VPS4B: variants seen among roughly 807,000 people sequenced by gnomAD.
VPS4B encodes vacuolar protein sorting-associated protein 4B.
A neutral mutation model predicts 56.1 loss-of-function variants in VPS4B; 23 were observed. The ratio of observed to expected loss-of-function variants is 0.41; its 90% CI spans 0.30 to 0.58. The LOEUF (loss-of-function observed/expected upper bound fraction) is 0.58. VPS4B is among the 20% of genes least tolerant of loss of function. The pLI, the probability that VPS4B is intolerant of heterozygous loss-of-function variation, is 0.29. For missense variants in VPS4B, 372 were observed against 531.9 expected (o/e 0.70, Z 2.96); for synonymous variants, 177 against 186.0 (o/e 0.95, Z 0.39).
rs150343320 is a variant in VPS4B, at chr18:63,397,336, G to A, written c.873-83C>T. The A allele has an allele frequency of 1.2e-4, 144 of 1,217,018 alleles. No homozygotes were observed. In the East Asian group the frequency reaches 3.6e-3, roughly 30 times the overall value. The allele number at this position is 1,217,018 out of a possible 1,614,324, so 75.4% of individuals were successfully genotyped here. A position where few individuals can be genotyped will look rare whatever the true frequency, so the allele number is the denominator to read the frequency against. On this transcript the variant is annotated intron_variant, in intron 8 of 10. Transcript: ENST00000238497. ...AAGAAACAGATACTAAGTTAAGTGG[G>A]CCTGTATGTGCCAAGGTTAAACATA...
chr18:63,422,403 C>T lies in VPS4B; in HGVS notation c.-144G>A, dbSNP rs1453805935. On this transcript the variant is annotated 5_prime_UTR_variant, in exon 1 of 11. Transcript: ENST00000238497. The stretch of plus-strand genomic sequence containing the variant: ...GCGAAGGGCAGCCTCCCTTCCGGAA[C>T]TTGTTTTAGACAACACTCTCTCCAC... 2 of 700,150 alleles carry T rather than the reference C, an allele frequency of 2.9e-6. No homozygotes were observed. The highest frequency in any genetic ancestry group is 3.3e-5 in the South Asian group (1 of 30,716). 43.4% of individuals were successfully genotyped at this position (700,150 alleles called of 1,614,324 possible).
intron 5 of VPS4B, among the ~76,000 whole-genome samples, chr18:63,401,697 A>G (rs919339156): frequency 1.3e-5 from 2 of 152,218 alleles, no homozygotes; most frequent in Non-Finnish European, 2.9e-5. Flanking sequence ...TCAAACATAC[A>G]TTTAAAAAAC....
chr18:63,409,546 AC>A, intron 3 of VPS4B, among the ~76,000 whole-genome samples: 1 of 152,322 alleles, frequency 6.6e-6, no homozygotes, highest in Middle Eastern at 3.4e-3. Flanking sequence ...AATTAATAGG[AC>A]AGCCAGAGAG....
At chr18:63,410,118 A>G (rs545609743) in intron 3 of VPS4B, among the ~76,000 whole-genome samples, 172 bp downstream of exon 3, 5 of 152,334 alleles carry the variant, frequency 3.3e-5, no homozygotes, top group South Asian at 2.1e-4. Flanking sequence ...CTAGACAACA[A>G]TATGTAAAAG....
At position 63,410,386 on chromosome 18, in the gene VPS4B, T is replaced by C; in HGVS notation, c.200A>G (p.Asp67Gly). Residue 67 changes from aspartate to glycine, a missense_variant, in exon 3 of 11, where the codon GAT becomes GGT. Asp to Gly is a moderately conservative substitution (Grantham distance 94). Around this residue, in one of 3 missense-constraint regions of VPS4B, gnomAD observed 153 missense variants for 190.3 expected, o/e 0.80. Coordinates refer to ENST00000238497, the MANE Select transcript of VPS4B (RefSeq NM_004869.4). ...SIRAKCTEYL[D>G]RAEKLKEYLK... ...GTACTCCTTTAGTTTTTCTGCTCTATCAAGATATTCTGTACACTTTGCCCT... is the reference window on the plus strand; with the variant it reads ...GTACTCCTTTAGTTTTTCTGCTCTACCAAGATATTCTGTACACTTTGCCCT... The C allele has an allele frequency of 1.2e-6, 2 of 1,613,994 alleles. No homozygotes were observed. Among genetic ancestry groups the C allele is most frequent in the Non-Finnish European group, 1.7e-6 (2 of 1,180,038 alleles).
chr18:63,410,404 T>C lies in VPS4B; in HGVS notation c.182A>G (p.Lys61Arg). 1.2e-6 allele frequency: 2 copies of C among 1,613,788 alleles called. No homozygotes were observed. The highest frequency in any genetic ancestry group is 8.5e-7 in the Non-Finnish European group (1 of 1,180,030). ...TGCTCTATCAAGATATTCTGTACAC[T>C]TTGCCCTGATACTTTGCTTGGCTTT... Reference protein sequence around the residue: ...GDKAKQSIRAKCTEYLDRAEK... With the variant: ...GDKAKQSIRARCTEYLDRAEK... The change falls in exon 3 of 11, where the codon AAG becomes AGG. Residue 61 changes from lysine to arginine, a missense_variant. This residue lies in a region of VPS4B where 153 missense variants were observed against 190.3 expected (regional missense o/e 0.80). Transcript: ENST00000238497.
At chr18:63,394,705 T>C (rs1915631162) in intron 9 of VPS4B, among the ~76,000 whole-genome samples, 1 of 152,200 alleles carries the variant, frequency 6.6e-6, no homozygotes, top group African/African-American at 2.4e-5. Context: ...GACCTTGTGA[T>C]CCGCCCACCT....
intron 1 of VPS4B, among the ~76,000 whole-genome samples, chr18:63,420,405 G>A (rs1246175922): frequency 4.6e-5 from 7 of 152,018 alleles, no homozygotes; most frequent in South Asian, 2.1e-4. Context: ...CCAAGATCAC[G>A]CCACTGCACT....
chr18:63,412,973 A>G (rs1036567543), intron 1 of VPS4B, among the ~76,000 whole-genome samples: 1 of 152,226 alleles, frequency 6.6e-6, no homozygotes, highest in African/African-American at 2.4e-5. Context: ...ATTTTGTTAA[A>G]AGGATGAAAG....
At chr18:63,408,016 T>A (rs190461694) in intron 3 of VPS4B, among the ~76,000 whole-genome samples, 24 of 152,256 alleles carry the variant, frequency 1.6e-4, no homozygotes, top group African/African-American at 5.8e-4. Flanking sequence ...AACAAGTAGG[T>A]CGATCAAGGC....
At chr18:63,410,267 A>G (rs1179643675) in intron 3 of VPS4B, 23 bp downstream of exon 3, 1 of 1,605,416 alleles carries the variant, frequency 6.2e-7, no homozygotes, top group South Asian at 1.1e-5. Flanking sequence ...CCACAATAAA[A>G]TTGAACAATT....
Position 63,422,303 on chromosome 18 carries a change from G to A in VPS4B, c.-44C>T, listed in dbSNP as rs763440750. The stretch of plus-strand genomic sequence containing the variant: ...TTCCCAAGGGAACGAGGGGCGAGGA[G>A]AGCCAACAGCAGCAACGTCGAAGCG... On this transcript the variant is annotated 5_prime_UTR_variant, in exon 1 of 11. Coordinates refer to ENST00000238497, the MANE Select transcript of VPS4B (RefSeq NM_004869.4). The A allele has an allele frequency of 2.0e-6, 3 of 1,473,846 alleles. No homozygotes were observed. Among genetic ancestry groups the A allele is most frequent in the South Asian group, 2.7e-5 (2 of 73,316 alleles). The allele number at this position is 1,473,846 out of a possible 1,614,324, so 91.3% of individuals were successfully genotyped here.
chr18:63,394,396 AAAAAG>A (rs1568083233), intron 9 of VPS4B, among the ~76,000 whole-genome samples: 1 of 152,216 alleles, frequency 6.6e-6, no homozygotes, highest in African/African-American at 2.4e-5. Flanking sequence ...CAATATCCAG[AAAAAG>A]AATCTTTGTG....
Position 63,398,190 on chromosome 18 carries a change from T to TACACAC in VPS4B, c.873-943_873-938dup, listed in dbSNP as rs967159935. On this transcript the variant is annotated intron_variant, in intron 8 of 10. Coordinates refer to ENST00000238497, the MANE Select transcript of VPS4B (RefSeq NM_004869.4). Reference sequence around the variant, plus strand: ...ATATACATATACACATATACATATATACACACACACACACATATATATATA... The same window carrying TACACAC: ...ATATACATATACACATATACATATATACACACACACACACACACACATATATATATA... 1.4e-4 allele frequency among the ~76,000 whole-genome samples: 18 copies of TACACAC among 132,788 alleles called. 1 individual carries two copies. The highest frequency in any genetic ancestry group is 5.4e-4 in the African/African-American group (18 of 33,386). The allele number at this position is 132,788 out of a possible 152,430, so 87.1% of individuals were successfully genotyped here.
At position 63,391,031 on chromosome 18, in the gene VPS4B, C is replaced by T. The variant is rs1011747661; in HGVS notation, c.1279G>A (p.Glu427Lys). The stretch of plus-strand genomic sequence containing the variant: ...TTCTTTAATTTCAACAAGTCATGTT[C>T]ATTGACTGTAGGTTTTGTGTTAGAT... ...SLSNTKPTVNEHDLLKLKKFT... is the reference protein window; with the variant it reads ...SLSNTKPTVNKHDLLKLKKFT... The change falls in exon 11 of 11, where the codon GAA becomes AAA. Residue 427 changes from glutamate (E) to lysine (K), a missense_variant. Transcript: ENST00000238497. 10 of 1,613,732 alleles carry T rather than the reference C, an allele frequency of 6.2e-6. No homozygotes were observed. Among genetic ancestry groups the T allele is most frequent in the Non-Finnish European group, 8.5e-6 (10 of 1,179,822 alleles).
chr18:63,406,039 C>G (rs7231119), intron 4 of VPS4B, among the ~76,000 whole-genome samples: 1 of 151,852 alleles, frequency 6.6e-6, no homozygotes, highest in Non-Finnish European at 1.5e-5. Flanking sequence ...TAAAGATATG[C>G]AACTGATTTT....
At chr18:63,412,236 T>C (rs1313840253) in intron 1 of VPS4B, among the ~76,000 whole-genome samples, 2 of 152,248 alleles carry the variant, frequency 1.3e-5, no homozygotes, top group East Asian at 1.9e-4. Flanking sequence ...TGTAATAATA[T>C]GGAAAGTGTT....
At chr18:63,410,999 T>G (rs879809449) in intron 2 of VPS4B, among the ~76,000 whole-genome samples, 1 of 152,202 alleles carries the variant, frequency 6.6e-6, no homozygotes, top group South Asian at 2.1e-4. Flanking sequence ...GAGCCCCACA[T>G]AGCTTACAGG....
At chr18:63,406,209 G>C (rs533269272) in intron 4 of VPS4B, among the ~76,000 whole-genome samples, 8 of 152,294 alleles carry the variant, frequency 5.3e-5, no homozygotes, top group Admixed American at 3.9e-4. Flanking sequence ...GTAGTTTCAG[G>C]TGGTGGGGAC....
Sources: allele counts gnomAD v4.1 joint callset (sites outside exome capture counted in the v4.1 genomes callset), GRCh38; gene constraint gnomAD v4.1.1; regional missense constraint gnomAD v4.1.1; transcripts MANE v1.5; gene names NCBI Gene and HGNC (gene_info 2026-07-23, HGNC 2026-07-21).